Variants in SLC14A2 observed in about 807,000 individuals in gnomAD.
SLC14A2 encodes urea transporter 2.
A neutral mutation model predicts 104.6 loss-of-function variants in SLC14A2; 91 were observed. The observed-to-expected ratio is 0.87, with a 90% CI of 0.73 to 1.04. The LOEUF (loss-of-function observed/expected upper bound fraction) is 1.04, where lower values mean the gene tolerates loss of function less well. SLC14A2 is among the 50% of genes least tolerant of loss of function. The probability of loss-of-function intolerance (pLI) is 0.00; values close to 1 mark genes in which losing one functional copy is unlikely to be tolerated. For synonymous variants in SLC14A2, 476 were observed against 466.4 expected, an observed-to-expected ratio of 1.02 and a Z score of -0.27; for missense variants, 1,189 against 1,156.0, an observed-to-expected ratio of 1.03 and a Z score of -0.41.
At chr18:45,560,517 T>C (rs900851734) in intron 2 of SLC14A2, among the ~76,000 whole-genome samples, 20 of 152,164 alleles carry the variant, frequency 1.3e-4, no homozygotes, top group African/African-American at 4.8e-4. Flanking sequence ...GGCTGAGGAA[T>C]AGGAAGTTGA....
At chr18:45,232,186 C>G (rs2084181558) in intron 1 of SLC14A2, among the ~76,000 whole-genome samples, 2 of 152,132 alleles carry the variant, frequency 1.3e-5, no homozygotes, top group Non-Finnish European at 2.9e-5. Context: ...ACTCAGAGTT[C>G]CACAGGCTGT....
intron 1 of SLC14A2, among the ~76,000 whole-genome samples, chr18:45,296,181 C>G (rs2084916539): frequency 6.6e-6 from 1 of 152,152 alleles, no homozygotes; most frequent in South Asian, 2.1e-4. Flanking sequence ...AGGCTTTGCA[C>G]TGGGCTCTGG....
chr18:45,679,019 T>A lies in SLC14A2; in HGVS notation c.2557T>A (p.Ser853Thr). The change falls in exon 19 of 20, where the codon TCT (serine) becomes ACT (threonine). Residue 853 changes from serine (S) to threonine (T), a missense_variant. Transcript: ENST00000255226. The part of the protein sequence containing the change: ...YLGAALANML[S>T]VFGLPPCTWP... ...GGGTGCTGCCCTGGCTAACATGTTA[T>A]CTGTGGTGAGTCAACACAGGCTCAG... The A allele has an allele frequency of 6.2e-7, 1 of 1,612,612 alleles. No homozygotes were observed. The highest frequency in any genetic ancestry group is 2.2e-5 in the East Asian group (1 of 44,826).
At chr18:45,394,129 G>T (rs538807629) in intron 1 of SLC14A2, among the ~76,000 whole-genome samples, 8 of 152,208 alleles carry the variant, frequency 5.3e-5, no homozygotes, top group Non-Finnish European at 1.2e-4. Context: ...GTGATGCAAT[G>T]ATACTTTCGT....
intron 1 of SLC14A2, among the ~76,000 whole-genome samples, chr18:45,623,466 G>A (rs1000496863): frequency 6.6e-6 from 1 of 152,204 alleles, no homozygotes; most frequent in Admixed American, 6.5e-5. Context: ...GTGGGCAGTT[G>A]GAGAGGATGG....
chr18:45,244,375 C>T (rs183723854), intron 1 of SLC14A2, among the ~76,000 whole-genome samples: 2 of 152,194 alleles, frequency 1.3e-5, no homozygotes, highest in African/African-American at 2.4e-5. Context: ...GCCTGTAATC[C>T]CAGCACTTTG....
chr18:45,412,922 G>T (rs2086229861), intron 1 of SLC14A2, among the ~76,000 whole-genome samples: 1 of 152,208 alleles, frequency 6.6e-6, no homozygotes, highest in South Asian at 2.1e-4. Flanking sequence ...TGGGACAAGT[G>T]TCACCAGATC....
intron 1 of SLC14A2, among the ~76,000 whole-genome samples, chr18:45,419,660 G>T (rs1160901571): frequency 1.3e-5 from 2 of 151,896 alleles, no homozygotes; most frequent in Admixed American, 1.3e-4. Flanking sequence ...TGTAATCCCA[G>T]TGACTCTGGA....
At chr18:45,347,531 C>A (rs1245781618) in intron 1 of SLC14A2, among the ~76,000 whole-genome samples, 1 of 152,186 alleles carries the variant, frequency 6.6e-6, no homozygotes, top group Non-Finnish European at 1.5e-5. Context: ...TGCAGGGCCA[C>A]CTCTGTCATA....
intron 2 of SLC14A2, among the ~76,000 whole-genome samples, chr18:45,604,590 A>C (rs2044840110): frequency 6.6e-6 from 1 of 152,246 alleles, no homozygotes; most frequent in African/African-American, 2.4e-5. Context: ...AACTCTGCAC[A>C]GTCAGAACCA....
At chr18:45,422,910 C>T (rs560873913) in intron 1 of SLC14A2, among the ~76,000 whole-genome samples, 2 of 152,294 alleles carry the variant, frequency 1.3e-5, no homozygotes, top group Admixed American at 1.3e-4. Context: ...GTAGGCTTAG[C>T]CCGGCTCCCT....
At chr18:45,581,073 C>T (rs1049313774) in intron 2 of SLC14A2, among the ~76,000 whole-genome samples, 2 of 152,246 alleles carry the variant, frequency 1.3e-5, no homozygotes, top group East Asian at 1.9e-4. Flanking sequence ...ATGTGGAGGG[C>T]ATTTCCTGCT....
chr18:45,275,771 G>T (rs191680999), intron 1 of SLC14A2, among the ~76,000 whole-genome samples: 1 of 152,278 alleles, frequency 6.6e-6, no homozygotes, highest in Non-Finnish European at 1.5e-5. Flanking sequence ...TACTAATAAA[G>T]TGATCAGTTG....
intron 1 of SLC14A2, among the ~76,000 whole-genome samples, chr18:45,317,321 T>C (rs1210239720): frequency 6.6e-6 from 1 of 152,200 alleles, no homozygotes; most frequent in Non-Finnish European, 1.5e-5. Context: ...ACTGAGCATC[T>C]ACTATGTGCC....
At chr18:45,295,993 A>G (rs991162686) in intron 1 of SLC14A2, among the ~76,000 whole-genome samples, 1 of 152,166 alleles carries the variant, frequency 6.6e-6, no homozygotes, top group Non-Finnish European at 1.5e-5. Context: ...TGAGTACTCA[A>G]TCCGGTAGGT....
At chr18:45,657,034 A>C (rs922944445) in intron 10 of SLC14A2, among the ~76,000 whole-genome samples, 1 of 152,204 alleles carries the variant, frequency 6.6e-6, no homozygotes, top group Non-Finnish European at 1.5e-5. Flanking sequence ...CATTCCATGC[A>C]TCTCTCATCC....
intron 2 of SLC14A2, among the ~76,000 whole-genome samples, chr18:45,506,216 T>C (rs1157545596): frequency 2.0e-5 from 3 of 152,158 alleles, no homozygotes; most frequent in Non-Finnish European, 4.4e-5. Flanking sequence ...CTGCTCCCAC[T>C]AGCCTTTGAG....
At chr18:45,277,877 C>A (rs2084719706) in intron 1 of SLC14A2, among the ~76,000 whole-genome samples, 1 of 152,186 alleles carries the variant, frequency 6.6e-6, no homozygotes, top group African/African-American at 2.4e-5. Context: ...CTTTTTCCTA[C>A]CTTCTGAACA....
chr18:45,454,063 T>C (rs2086901556), intron 1 of SLC14A2, among the ~76,000 whole-genome samples: 1 of 152,156 alleles, frequency 6.6e-6, no homozygotes, highest in African/African-American at 2.4e-5. Context: ...TTTCACCATG[T>C]TGGCCAGGCT....
Sources: gnomAD v4.1 joint callset for allele counts (sites outside exome capture counted in the v4.1 genomes callset) on GRCh38, gnomAD v4.1.1 for gene constraint, MANE v1.5 for transcripts, NCBI Gene and HGNC (gene_info 2026-07-23, HGNC 2026-07-21) for gene names.